GPR149: variants seen among roughly 807,000 people sequenced by gnomAD.
GPR149 encodes probable G protein-coupled receptor 149.
GPR149 carries 50 observed loss-of-function variants against 50.2 expected under a neutral mutation model. The ratio of observed to expected loss-of-function variants is 1.00; its 90% CI spans 0.79 to 1.26. The LOEUF is 1.26. Among genes scored for constraint, GPR149 ranks in the 50% most tolerant of loss-of-function variants. GPR149 has a pLI of 0.00. For synonymous variants in GPR149, 405 were observed against 358.2 expected (o/e 1.13, Z -1.48); for missense variants, 983 against 895.4 (o/e 1.10, Z -1.25).
At chr3:154,417,360 A>G (rs1712018520) in intron 3 of GPR149, among the ~76,000 whole-genome samples, 1 of 152,050 alleles carries the variant, frequency 6.6e-6, no homozygotes, top group Non-Finnish European at 1.5e-5. Context: ...TACTGAAGCC[A>G]TTGTATTGCC....
intron 3 of GPR149, among the ~76,000 whole-genome samples, chr3:154,409,971 A>C (rs530854304): frequency 6.1e-4 from 93 of 152,314 alleles, no homozygotes; most frequent in African/African-American, 2.2e-3. Flanking sequence ...ATCTTAAGAG[A>C]TGTGAGGCAA....
At position 154,337,939 on chromosome 3, in the gene GPR149, T is replaced by A. The variant is rs773128964; in HGVS notation, c.1956A>T (p.Leu652=). 6.2e-7 allele frequency: 1 copy of A among 1,613,434 alleles called. No individual in the cohort carries two copies. The highest frequency in any genetic ancestry group is 1.7e-5 in the Admixed American group (1 of 59,978). ...ATCTGTTTTCTTTCCTGGAGTAACG[T>A]AGGGATGGAGATCTGACTTGTGTGG... ...QSSTQVRSPS[L]RYSRKENRFV... is the part of the protein sequence containing the mutation. The change falls in exon 4 of 4, where the codon CTA becomes CTT. Residue 652 remains leucine (L), a synonymous_variant. Transcript: ENST00000389740.
chr3:154,359,285 A>G (rs990899922), intron 3 of GPR149, among the ~76,000 whole-genome samples: 6 of 152,156 alleles, frequency 3.9e-5, no homozygotes, highest in African/African-American at 1.2e-4. Context: ...AATTAATTAC[A>G]TTTTCCATAT....
intron 3 of GPR149, among the ~76,000 whole-genome samples, chr3:154,350,396 A>G (rs1158140385): frequency 6.6e-6 from 1 of 152,198 alleles, no homozygotes; most frequent in Non-Finnish European, 1.5e-5. Context: ...TACTTCTATG[A>G]CTAGCAATGA....
chr3:154,377,426 G>A (rs1307776265), intron 3 of GPR149, among the ~76,000 whole-genome samples: 4 of 150,806 alleles, frequency 2.7e-5, no homozygotes, highest in Non-Finnish European at 5.9e-5. Context: ...GAGTGCAGTG[G>A]TGTGATCTTG....
chr3:154,354,205 A>T (rs954836638), intron 3 of GPR149: 2 of 493,892 alleles, frequency 4.0e-6, no homozygotes, highest in Non-Finnish European at 7.8e-6. Flanking sequence ...TTGATTTCTC[A>T]TCTGGGTCAT....
intron 3 of GPR149, among the ~76,000 whole-genome samples, chr3:154,391,707 T>A (rs553473369): frequency 1.3e-5 from 2 of 151,938 alleles, no homozygotes; most frequent in South Asian, 4.1e-4. Context: ...GATCAATTTA[T>A]GTAAACTTCT....
chr3:154,342,206 C>A (rs1298938318), intron 3 of GPR149, among the ~76,000 whole-genome samples: 1 of 151,878 alleles, frequency 6.6e-6, no homozygotes, highest in Admixed American at 6.6e-5. Context: ...ATACTATAAA[C>A]AAAAGTGAAA....
chr3:154,364,150 C>G (rs1332166093), intron 3 of GPR149, among the ~76,000 whole-genome samples: 1 of 152,186 alleles, frequency 6.6e-6, no homozygotes, highest in Non-Finnish European at 1.5e-5. Flanking sequence ...GCCACTCCCT[C>G]CTGCTTGCTG....
At chr3:154,353,104 T>C in intron 3 of GPR149, 1 of 1,472,968 alleles carries the variant, frequency 6.8e-7, no homozygotes, top group Non-Finnish European at 9.5e-7. Context: ...TTCTGTTTTA[T>C]GTGTGGATTC....
Position 154,391,322 on chromosome 3 carries a change from G to A in GPR149, c.1623+29717C>T, listed in dbSNP as rs76846608. The stretch of plus-strand genomic sequence containing the variant: ...ATAACGTGTGTGGGGGGTTTGTGGG[G>A]GGAGAAGTAAAAGTGTAGCTTTTGT... On this transcript the variant is annotated intron_variant, in intron 3 of 3. Coordinates refer to ENST00000389740, the MANE Select transcript of GPR149 (RefSeq NM_001038705.3). Among the ~76,000 whole-genome samples, 44 of 151,532 alleles carry A rather than the reference G, an allele frequency of 2.9e-4. No homozygotes were observed. In the East Asian group the frequency reaches 8.3e-3, roughly 29 times the overall value.
chr3:154,411,118 G>A (rs909484755), intron 3 of GPR149, among the ~76,000 whole-genome samples: 6 of 151,972 alleles, frequency 3.9e-5, no homozygotes, highest in South Asian at 2.1e-4. Context: ...AAATCAAGAC[G>A]GAAATTTAAA....
In GPR149 at chr3:154,428,717, C is replaced by G. The variant is rs961623370; in HGVS notation, c.899G>C (p.Arg300Thr). The G allele has an allele frequency of 6.2e-7, 1 of 1,614,038 alleles. No homozygotes were observed. The highest frequency in any genetic ancestry group is 8.5e-7 in the Non-Finnish European group (1 of 1,180,046). ...RENRGTLYGT[R>T]SFTVSVAQKR... ...CTGCGCTACGCTCACGGTGAAGCTC[C>G]TGGTGCCATAGAGAGTCCCCCGGTT... is the stretch of plus-strand genomic sequence containing the variant. The change falls in exon 1 of 4, where the codon AGG (arginine) becomes ACG (threonine). Residue 300 changes from arginine to threonine, a missense_variant. By Grantham distance (71) the Arg-to-Thr change is moderately conservative. Coordinates refer to ENST00000389740, the MANE Select transcript of GPR149 (RefSeq NM_001038705.3).
intron 3 of GPR149, among the ~76,000 whole-genome samples, chr3:154,338,649 TA>T (rs1313359754): frequency 1.3e-5 from 2 of 152,212 alleles, no homozygotes; most frequent in African/African-American, 2.4e-5. Flanking sequence ...TCAGTTACAT[TA>T]AAACGTTTGC....
intron 3 of GPR149, among the ~76,000 whole-genome samples, chr3:154,413,942 G>GTATATATATATATATATA (rs3038651): frequency 6.8e-6 from 1 of 147,906 alleles, no homozygotes; most frequent in Non-Finnish European, 1.5e-5. Flanking sequence ...AGAAATTGTA[G>GTATATATATATATATATA]TATATATATA....
At chr3:154,357,610 G>A (rs1348096589) in intron 3 of GPR149, among the ~76,000 whole-genome samples, 3 of 152,200 alleles carry the variant, frequency 2.0e-5, no homozygotes, top group Non-Finnish European at 2.9e-5. Flanking sequence ...ACACCAGTTA[G>A]AATGGCGATC....
chr3:154,381,413 C>G (rs1457656986), intron 3 of GPR149, among the ~76,000 whole-genome samples: 1 of 152,068 alleles, frequency 6.6e-6, no homozygotes, highest in African/African-American at 2.4e-5. Flanking sequence ...TCAACAATTG[C>G]TACAATATTT....
intron 3 of GPR149, among the ~76,000 whole-genome samples, chr3:154,392,796 A>G (rs4320045): frequency 0.65 from 98,925 of 151,646 alleles, 32,595 homozygotes; most frequent in East Asian, 0.8. Context: ...AAAAACTACT[A>G]TGAGCAACTA....
intron 3 of GPR149, among the ~76,000 whole-genome samples, chr3:154,419,611 A>C (rs1277544931): frequency 6.6e-6 from 1 of 152,102 alleles, no homozygotes; most frequent in Non-Finnish European, 1.5e-5. Flanking sequence ...AAATATGAGT[A>C]AGATTCAAGA....
Sources: gnomAD v4.1 joint callset for allele counts (sites outside exome capture counted in the v4.1 genomes callset) on GRCh38, gnomAD v4.1.1 for gene constraint, MANE v1.5 for transcripts, NCBI Gene and HGNC (gene_info 2026-07-23, HGNC 2026-07-21) for gene names.